PCNX1: variants seen among roughly 807,000 people sequenced by gnomAD.
The protein encoded by PCNX1 is pecanex-like protein 1.
PCNX1 carries 78 observed loss-of-function variants against 242.2 expected under a neutral mutation model. The ratio of observed to expected loss-of-function variants is 0.32; its 90% CI spans 0.27 to 0.39. PCNX1 has a LOEUF of 0.39. PCNX1 is among the 10% of genes least tolerant of loss of function. PCNX1 has a pLI of 1.00. For synonymous variants in PCNX1, 1,024 were observed against 1,032.9 expected (o/e 0.99, Z 0.17); for missense variants, 2,581 against 2,856.5 (o/e 0.90, Z 2.20).
In PCNX1 at chr14:71,055,634, C is replaced by T. The variant is rs191316924; in HGVS notation, c.4636+72C>T. 1.7e-3 allele frequency: 1,439 copies of T among 864,088 alleles called. 8 individuals are homozygous for T. Among genetic ancestry groups the T allele is most frequent in the Middle Eastern group, 8.0e-3 (29 of 3,610 alleles). 53.5% of individuals were successfully genotyped at this position (864,088 alleles called of 1,614,324 possible). Reference sequence around the variant, plus strand: ...TTATATATATATGTTTATATTCACTCCTAACTTGTTGGGAATCCTCTATGA... The same window carrying T: ...TTATATATATATGTTTATATTCACTTCTAACTTGTTGGGAATCCTCTATGA... On this transcript the variant is annotated intron_variant, in intron 25 of 35. Coordinates refer to ENST00000304743, the MANE Select transcript of PCNX1 (RefSeq NM_014982.3).
At chr14:70,926,115 C>T (rs142984542) in intron 1 of PCNX1, among the ~76,000 whole-genome samples, 17 of 152,166 alleles carry the variant, frequency 1.1e-4, no homozygotes, top group Admixed American at 2.6e-4. Context: ...CAGTGGAAGC[C>T]CATTTAGTAC....
chr14:71,068,146 G>C (rs1326961947), intron 26 of PCNX1, among the ~76,000 whole-genome samples: 1 of 151,864 alleles, frequency 6.6e-6, no homozygotes, highest in Admixed American at 6.6e-5. Flanking sequence ...GACCAACATG[G>C]TGAAACCCCG....
rs1007805790 is a variant in PCNX1 at position 71,073,867 on chromosome 14, A to G, written c.5106+69A>G. On this transcript the variant is annotated intron_variant, in intron 27 of 35. Transcript: ENST00000304743. Reference sequence around the variant, plus strand: ...CTTCTTGGGAATGACATATATAAGTATATATATATGTATATACTTTTTTTT... The same window carrying G: ...CTTCTTGGGAATGACATATATAAGTGTATATATATGTATATACTTTTTTTT... 8.7e-6 allele frequency: 10 copies of G among 1,146,908 alleles called. No individual in the cohort carries two copies. The African/African-American group carries it at 1.6e-4, about 18-fold the overall frequency. 71.0% of individuals were successfully genotyped at this position (1,146,908 alleles called of 1,614,324 possible). A position where few individuals can be genotyped will look rare whatever the true frequency, so the allele number is the denominator to read the frequency against.
intron 1 of PCNX1, among the ~76,000 whole-genome samples, chr14:70,938,249 A>T (rs1297831386): frequency 6.6e-6 from 1 of 152,022 alleles, no homozygotes; most frequent in Non-Finnish European, 1.5e-5. Flanking sequence ...CCCATTCAGT[A>T]TGATTATTGG....
chr14:71,029,133 C>G (rs1460017047), intron 16 of PCNX1, among the ~76,000 whole-genome samples: 1 of 151,772 alleles, frequency 6.6e-6, no homozygotes, highest in African/African-American at 2.4e-5. Context: ...ACTACTTTTC[C>G]TATTAGTTTT....
At chr14:71,070,329 C>T (rs910546056) in intron 26 of PCNX1, among the ~76,000 whole-genome samples, 11 of 152,194 alleles carry the variant, frequency 7.2e-5, no homozygotes, top group African/African-American at 2.4e-4. Context: ...GACCTCCTCC[C>T]ATGAATCATG....
chr14:71,109,951 A>G lies in PCNX1; in HGVS notation c.*16A>G. 1 of 1,611,176 alleles carries G rather than the reference A, an allele frequency of 6.2e-7. No homozygotes were observed. Among genetic ancestry groups the G allele is most frequent in the Admixed American group, 1.7e-5 (1 of 59,990 alleles). On this transcript the variant is annotated 3_prime_UTR_variant, in exon 36 of 36. Coordinates refer to ENST00000304743, the MANE Select transcript of PCNX1 (RefSeq NM_014982.3). ...TGAAGTGTGAGCCAGTGTTTATTAT[A>G]AAGACATTTCTTTTTCCCTCTCAAT...
chr14:70,976,034 G>A (rs548012659), intron 5 of PCNX1, among the ~76,000 whole-genome samples: 28 of 152,166 alleles, frequency 1.8e-4, no homozygotes, highest in African/African-American at 5.1e-4. Flanking sequence ...GCATTGGTCA[G>A]CCTATTTTCG....
intron 26 of PCNX1, among the ~76,000 whole-genome samples, chr14:71,072,572 G>C (rs141689998): frequency 1.3e-5 from 2 of 152,248 alleles, no homozygotes; most frequent in East Asian, 3.9e-4. Flanking sequence ...AGGTGTCATG[G>C]TATCAGTTTC....
chr14:70,961,837 C>A (rs188547917), intron 2 of PCNX1, among the ~76,000 whole-genome samples: 1 of 152,122 alleles, frequency 6.6e-6, no homozygotes, highest in South Asian at 2.1e-4. Context: ...TGATTACATT[C>A]TGTGTTTACA....
chr14:71,003,102 A>ATTTTTTTTTTTTTTTTTTT (rs2059556546), intron 8 of PCNX1, among the ~76,000 whole-genome samples: 5 of 25,736 alleles, frequency 1.9e-4, no homozygotes, highest in African/African-American at 1.6e-3. Context: ...TTTTTTTTTG[A>ATTTTTTTTTTTTTTTTTTT]GACAGAGTCT....
chr14:71,022,887 T>C (rs2060142620), intron 12 of PCNX1, among the ~76,000 whole-genome samples: 1 of 152,146 alleles, frequency 6.6e-6, no homozygotes, highest in Non-Finnish European at 1.5e-5. Context: ...TCCACTTGTA[T>C]ATAGCAATAA....
At chr14:70,979,357 T>G (rs1409383066) in intron 6 of PCNX1, among the ~76,000 whole-genome samples, 1 of 152,086 alleles carries the variant, frequency 6.6e-6, no homozygotes, top group African/African-American at 2.4e-5. Flanking sequence ...TTATTTCAGG[T>G]TTTTGGAGAA....
chr14:70,978,309 C>A lies in PCNX1; in HGVS notation c.1972C>A (p.His658Asn), dbSNP rs142489415. Residue 658 changes from histidine (H) to asparagine (N), a missense_variant, in exon 6 of 36, where the codon CAC becomes AAC. By Grantham distance (68) the His-to-Asn change is moderately conservative. Around this residue, in one of 9 missense-constraint regions of PCNX1, gnomAD observed 1,204 missense variants for 1,216.7 expected, o/e 0.99. Coordinates refer to ENST00000304743, the MANE Select transcript of PCNX1 (RefSeq NM_014982.3). Reference sequence around the variant, plus strand: ...TAAAGAAAGGGGCACAGACTCTGAACACACACACAAAGCTCATTTGGTTCC... The same window carrying A: ...TAAAGAAAGGGGCACAGACTCTGAAAACACACACAAAGCTCATTTGGTTCC... ...THKERGTDSEHTHKAHLVPEG... is the reference protein window; with the variant it reads ...THKERGTDSENTHKAHLVPEG... 8.7e-6 allele frequency: 14 copies of A among 1,613,910 alleles called. No homozygotes were observed. In the East Asian group the frequency reaches 3.1e-4, roughly 36 times the overall value.
chr14:71,009,916 T>A (rs1414616189), intron 9 of PCNX1, 192 bp downstream of exon 9: 1 of 411,068 alleles, frequency 2.4e-6, no homozygotes, highest in Non-Finnish European at 4.3e-6. Flanking sequence ...TTGGCTTAAT[T>A]GAGCTAAAAT....
Position 71,113,238 on chromosome 14 carries a change from C to T in PCNX1, c.*3303C>T, listed in dbSNP as rs977748487. On this transcript the variant is annotated 3_prime_UTR_variant, in exon 36 of 36. Coordinates refer to ENST00000304743, the MANE Select transcript of PCNX1 (RefSeq NM_014982.3). Reference sequence around the variant, plus strand: ...GACTTTGTTACTGGAGGATGATAATCTATTTCTATTAGATTCGAAGTATTT... The same window carrying T: ...GACTTTGTTACTGGAGGATGATAATTTATTTCTATTAGATTCGAAGTATTT... 2.6e-5 allele frequency: 4 copies of T among 152,128 alleles called. No individual in the cohort carries two copies. The highest frequency in any genetic ancestry group is 5.9e-5 in the Non-Finnish European group (4 of 67,998). The allele number at this position is 152,128 out of a possible 1,614,324, so 9.4% of individuals were successfully genotyped here. A position where few individuals can be genotyped will look rare whatever the true frequency, so the allele number is the denominator to read the frequency against.
intron 13 of PCNX1, among the ~76,000 whole-genome samples, chr14:71,024,746 G>A (rs1251635975): frequency 2.6e-5 from 4 of 152,034 alleles, no homozygotes; most frequent in Admixed American, 6.6e-5. Flanking sequence ...TTGAGGGTGC[G>A]GAATGCTGTC....
At chr14:71,059,635 C>T (rs1398112832) in intron 26 of PCNX1, among the ~76,000 whole-genome samples, 2 of 152,122 alleles carry the variant, frequency 1.3e-5, no homozygotes, top group Non-Finnish European at 2.9e-5. Context: ...TCAAGCGACC[C>T]TCCAGCCTTG....
At position 71,015,107 on chromosome 14, in the gene PCNX1, C is replaced by A. The variant is rs1053192813; in HGVS notation, c.2996+1905C>A. ...ACAATTCTATACATAGCAAAAATAC[C>A]TTTTAAAAACCAAAGTGAAATAAAG... On this transcript the variant is annotated intron_variant, in intron 11 of 35. Transcript: ENST00000304743. Among the ~76,000 whole-genome samples, 4 of 151,968 alleles carry A rather than the reference C, an allele frequency of 2.6e-5. No homozygotes were observed. The South Asian group carries it at 6.2e-4, about 24-fold the overall frequency.
Sources: allele counts gnomAD v4.1 joint callset (sites outside exome capture counted in the v4.1 genomes callset), GRCh38; gene constraint gnomAD v4.1.1; regional missense constraint gnomAD v4.1.1; transcripts MANE v1.5; gene names NCBI Gene and HGNC (gene_info 2026-07-23, HGNC 2026-07-21).